Variants in SHISA9 observed in about 807,000 individuals in gnomAD.
SHISA9 encodes shisa family member 9.
Under a neutral mutation model 38.0 loss-of-function variants are expected in SHISA9, and 13 were observed. The ratio of observed to expected loss-of-function variants is 0.34; its 90% CI spans 0.22 to 0.54. The LOEUF (loss-of-function observed/expected upper bound fraction) is 0.54. SHISA9 is among the 20% of genes least tolerant of loss of function. The pLI is 0.91. For missense variants in SHISA9, 538 were observed against 575.8 expected, an observed-to-expected ratio of 0.93 and a Z score of 0.67; for synonymous variants, 275 against 242.0, an observed-to-expected ratio of 1.14 and a Z score of -1.27.
chr16:13,144,914 G>C (rs2050433740), intron 2 of SHISA9, among the ~76,000 whole-genome samples: 1 of 152,176 alleles, frequency 6.6e-6, no homozygotes, highest in South Asian at 2.1e-4. Flanking sequence ...GAGAAGGAGG[G>C]AGGTTAGGCA....
At chr16:13,263,405 G>T in the SHISA9 span, among the ~76,000 whole-genome samples, 76 of 152,290 alleles carry the variant, frequency 5.0e-4, no homozygotes, top group African/African-American at 1.8e-3. Flanking sequence ...CCTTGGTGCT[G>T]TTCTTGTGAT....
the SHISA9 span, among the ~76,000 whole-genome samples, chr16:13,541,783 A>G: frequency 6.6e-6 from 1 of 152,134 alleles, no homozygotes; most frequent in African/African-American, 2.4e-5. Context: ...ATTCATGGGA[A>G]CTCATCCATG....
intron 2 of SHISA9, among the ~76,000 whole-genome samples, chr16:12,954,462 A>G (rs999731017): frequency 1.6e-4 from 24 of 152,152 alleles, no homozygotes; most frequent in African/African-American, 5.8e-4. Flanking sequence ...ATGTGGTTGG[A>G]AGATTACATG....
At chr16:13,504,181 A>G in the SHISA9 span, among the ~76,000 whole-genome samples, 1 of 152,106 alleles carries the variant, frequency 6.6e-6, no homozygotes, top group Non-Finnish European at 1.5e-5. Flanking sequence ...TAGCCCTTGG[A>G]GTTTTGATGA....
At chr16:13,222,819 C>T (rs968048479) in intron 4 of SHISA9, among the ~76,000 whole-genome samples, 1 of 65,332 alleles carries the variant, frequency 1.5e-5, no homozygotes, top group East Asian at 1.4e-3. Context: ...TATACATACA[C>T]ACACCACAAG....
intron 2 of SHISA9, among the ~76,000 whole-genome samples, chr16:13,199,651 G>A (rs149874490): frequency 9.2e-4 from 140 of 152,294 alleles, no homozygotes; most frequent in African/African-American, 3.2e-3. Flanking sequence ...AAATTCACTT[G>A]ACTTCATGGC....
chr16:12,996,736 A>G (rs1407320583), intron 2 of SHISA9, among the ~76,000 whole-genome samples: 1 of 152,134 alleles, frequency 6.6e-6, no homozygotes, highest in Non-Finnish European at 1.5e-5. Flanking sequence ...TAGAGCCTCC[A>G]AGGGGCCTTT....
At chr16:13,073,966 T>TG (rs1369732746) in intron 2 of SHISA9, among the ~76,000 whole-genome samples, 7 of 126,048 alleles carry the variant, frequency 5.6e-5, no homozygotes, top group East Asian at 4.4e-4. Context: ...CGTTTTTTTT[T>TG]TTGTTTTTTT....
intron 2 of SHISA9, among the ~76,000 whole-genome samples, chr16:13,086,553 A>T (rs1478377041): frequency 2.0e-5 from 3 of 152,138 alleles, no homozygotes; most frequent in Non-Finnish European, 4.4e-5. Flanking sequence ...AGAGTAGATA[A>T]GAAACATGCT....
intron 2 of SHISA9, among the ~76,000 whole-genome samples, chr16:13,173,803 T>C (rs891331533): frequency 6.6e-6 from 1 of 152,140 alleles, no homozygotes; most frequent in African/African-American, 2.4e-5. Context: ...GGTCAATGTA[T>C]TCTAAGCCAG....
chr16:13,395,074 G>C, the SHISA9 span, among the ~76,000 whole-genome samples: 1 of 152,062 alleles, frequency 6.6e-6, no homozygotes, highest in Non-Finnish European at 1.5e-5. Context: ...ATGTGGCTTT[G>C]CAGTCTGGCT....
chr16:13,001,895 TA>T (rs541144057), intron 2 of SHISA9, among the ~76,000 whole-genome samples: 4 of 152,150 alleles, frequency 2.6e-5, no homozygotes, highest in East Asian at 1.9e-4. Context: ...AAATAGGTGA[TA>T]AAAAATGATA....
chr16:13,156,899 T>A (rs917131129), intron 2 of SHISA9, among the ~76,000 whole-genome samples: 1 of 152,188 alleles, frequency 6.6e-6, no homozygotes, highest in Non-Finnish European at 1.5e-5. Context: ...ATCATGTGCG[T>A]CATCAAAAGA....
rs550701705 is a variant in SHISA9, at chr16:13,098,228, A to G, written c.692-105166A>G. Among the ~76,000 whole-genome samples the G allele has an allele frequency of 5.3e-5, 8 of 152,232 alleles. No individual in the cohort carries two copies. In the South Asian group the frequency reaches 1.0e-3, roughly 20 times the overall value. ...CACTTAGGGCCTCAGGCAAGCAACA[A>G]CTTCTTTGAACTTTGGTTTCCTCAT... On this transcript the variant is annotated intron_variant, in intron 2 of 4. Transcript: ENST00000558583.
chr16:13,155,934 A>G (rs1030676653), intron 2 of SHISA9, among the ~76,000 whole-genome samples: 3 of 152,178 alleles, frequency 2.0e-5, no homozygotes, highest in Non-Finnish European at 4.4e-5. Flanking sequence ...TTTTTGAAAA[A>G]GAAACTGTAA....
Position 13,062,156 on chromosome 16 carries a change from A to T in SHISA9, c.692-141238A>T, listed in dbSNP as rs115964129. ...AAACAACGGGTGGCATTTTAGTGGA[A>T]GTATACCTCAAGTATGGCAGGGGAC... On this transcript the variant is annotated intron_variant, in intron 2 of 4. Coordinates refer to ENST00000558583, the MANE Select transcript of SHISA9 (RefSeq NM_001145204.3). Among the ~76,000 whole-genome samples, 483 of 152,202 alleles carry T rather than the reference A, an allele frequency of 3.2e-3. 5 individuals are homozygous for T. The highest frequency in any genetic ancestry group is 0.011 in the African/African-American group (460 of 41,524).
At chr16:13,367,629 C>A in the SHISA9 span, among the ~76,000 whole-genome samples, 1 of 127,996 alleles carries the variant, frequency 7.8e-6, no homozygotes, top group Non-Finnish European at 1.6e-5. Context: ...AATCCTAACA[C>A]AAGGTTAAAT....
intron 2 of SHISA9, among the ~76,000 whole-genome samples, chr16:13,061,978 G>A (rs1276131975): frequency 2.6e-5 from 4 of 152,162 alleles, no homozygotes; most frequent in African/African-American, 7.2e-5. Flanking sequence ...AGAGCAGGCC[G>A]GTGGGGCTGG....
At chr16:13,411,235 A>G in the SHISA9 span, among the ~76,000 whole-genome samples, 2 of 152,220 alleles carry the variant, frequency 1.3e-5, no homozygotes, top group Non-Finnish European at 2.9e-5. Flanking sequence ...GCTAGACAGC[A>G]CTACATAAAA....
Sources: allele counts gnomAD v4.1 joint callset (sites outside exome capture counted in the v4.1 genomes callset), GRCh38; gene constraint gnomAD v4.1.1; transcripts MANE v1.5; gene names NCBI Gene and HGNC (gene_info 2026-07-23, HGNC 2026-07-21).